INO80: variants seen among roughly 807,000 people sequenced by gnomAD.
The protein encoded by INO80 is INO80 complex ATPase subunit.
A neutral mutation model predicts 203.4 loss-of-function variants in INO80; 20 were observed. That is an observed-to-expected ratio of 0.10 (90% CI 0.07 to 0.14). The LOEUF (loss-of-function observed/expected upper bound fraction) is 0.14, where lower values mean the gene tolerates loss of function less well. Ranked by LOEUF, INO80 falls within the 10% of genes least tolerant of loss-of-function variation. The pLI is 1.00. For missense variants in INO80, 1,419 were observed against 1,914.4 expected, an observed-to-expected ratio of 0.74 and a Z score of 4.83; for synonymous variants, 726 against 685.2, an observed-to-expected ratio of 1.06 and a Z score of -0.93.
At chr15:41,114,986 A>G (rs1472552172) in intron 1 of INO80, among the ~76,000 whole-genome samples, 2 of 152,144 alleles carry the variant, frequency 1.3e-5, no homozygotes, top group African/African-American at 4.8e-5. Context: ...TCAGAAAATT[A>G]CTTAATTATA....
chr15:41,074,711 T>C (rs2045377142), intron 9 of INO80, 146 bp from the exon 10 acceptor site: 1 of 607,986 alleles, frequency 1.6e-6, no homozygotes, highest in South Asian at 2.3e-5. Flanking sequence ...ACAATTTTAA[T>C]TTAGCCAAGT....
intron 8 of INO80, among the ~76,000 whole-genome samples, chr15:41,080,767 G>A (rs754341905): frequency 1.3e-5 from 2 of 152,204 alleles, no homozygotes; most frequent in African/African-American, 2.4e-5. Context: ...TGGGAGAATC[G>A]CTTGAACCTG....
chr15:41,104,040 G>A (rs2045845284), intron 1 of INO80, among the ~76,000 whole-genome samples: 1 of 151,586 alleles, frequency 6.6e-6, no homozygotes, highest in Non-Finnish European at 1.5e-5. Context: ...CCAACATGGA[G>A]AAACCTCGTC....
At chr15:41,030,652 A>G (rs531622389) in intron 24 of INO80, among the ~76,000 whole-genome samples, 1 of 147,286 alleles carries the variant, frequency 6.8e-6, no homozygotes, top group African/African-American at 2.5e-5. Context: ...ATGAGCCACC[A>G]CACCTGGCCA....
chr15:41,076,709 T>G (rs2045408365), intron 9 of INO80, among the ~76,000 whole-genome samples: 1 of 152,116 alleles, frequency 6.6e-6, no homozygotes, highest in Non-Finnish European at 1.5e-5. Flanking sequence ...GCCACTGCAC[T>G]CCAGCCTGGG....
At position 41,096,271 on chromosome 15, in the gene INO80, T is replaced by C. The variant is rs1314510425; in HGVS notation, c.40A>G (p.Thr14Ala). Residue 14 changes from threonine to alanine, a missense_variant, in exon 2 of 36, where the codon ACT becomes GCT. By Grantham distance (58) the Thr-to-Ala change is moderately conservative. Coordinates refer to ENST00000648947, the MANE Select transcript of INO80 (RefSeq NM_017553.3). ...AGATAGAGGGGCTTTGCCAGCTCAGTGCAGCCTCCATCATCCCTGGCACCC... is the reference window on the plus strand; with the variant it reads ...AGATAGAGGGGCTTTGCCAGCTCAGCGCAGCCTCCATCATCCCTGGCACCC... The part of the protein sequence containing the change: ...ELGARDDGGC[T>A]ELAKPLYLQY... 7 of 1,608,700 alleles carry C rather than the reference T, an allele frequency of 4.4e-6. No individual in the cohort carries two copies. Among genetic ancestry groups the C allele is most frequent in the Non-Finnish European group, 5.9e-6 (7 of 1,178,678 alleles).
intron 24 of INO80, among the ~76,000 whole-genome samples, chr15:41,033,525 C>T (rs750006558): frequency 2.6e-5 from 4 of 151,996 alleles, no homozygotes; most frequent in Admixed American, 6.6e-5. Flanking sequence ...ACTCTTTATC[C>T]ACTGCAAAAC....
intron 9 of INO80, among the ~76,000 whole-genome samples, chr15:41,077,488 AAGAG>A (rs1566940194): frequency 6.6e-6 from 1 of 152,190 alleles, no homozygotes; most frequent in African/African-American, 2.4e-5. Flanking sequence ...AAACTTGAGA[AAGAG>A]AGTGAGAGAA....
chr15:40,983,285 T>C (rs1893906168), intron 34 of INO80: 6 of 559,720 alleles, frequency 1.1e-5, no homozygotes, highest in Non-Finnish European at 1.9e-5. Flanking sequence ...ACATCCTAAC[T>C]CCTCAAGCTG....
intron 8 of INO80, among the ~76,000 whole-genome samples, chr15:41,080,385 C>A (rs1022448361): frequency 9.2e-5 from 14 of 152,108 alleles, no homozygotes; most frequent in African/African-American, 3.1e-4. Flanking sequence ...CTGATCCTCA[C>A]AATTCTTAAA....
intron 29 of INO80, among the ~76,000 whole-genome samples, chr15:40,990,942 C>A (rs1396003854): frequency 2.0e-5 from 3 of 152,022 alleles, no homozygotes; most frequent in East Asian, 1.9e-4. Flanking sequence ...TGATGTCACA[C>A]CCAAAAGACA....
chr15:41,095,737 G>A, intron 3 of INO80, 22 bp downstream of exon 3: 3 of 1,613,240 alleles, frequency 1.9e-6, no homozygotes, highest in South Asian at 2.2e-5. Flanking sequence ...TAGTCCAAAG[G>A]GGGATGTCAC....
At chr15:41,054,060 C>T (rs1221662831) in intron 18 of INO80, 46 bp from the exon 19 acceptor site, 2 of 1,460,456 alleles carry the variant, frequency 1.4e-6, no homozygotes, top group Non-Finnish European at 9.5e-7. Flanking sequence ...AGTGATTTCA[C>T]AAAAACAACA....
In INO80 at chr15:41,107,138, C is replaced by G. The variant is rs559826763; in HGVS notation, c.-44+8835G>C. Among the ~76,000 whole-genome samples the G allele has an allele frequency of 2.3e-4, 35 of 152,344 alleles. 1 individual carries two copies. The highest frequency in any genetic ancestry group is 7.9e-4 in the African/African-American group (33 of 41,590). The stretch of plus-strand genomic sequence containing the variant: ...TTGTGATACAGTTAGTTTCTCCTGT[C>G]AAGATTTGCATGCCTGAAAGGCCTT... On this transcript the variant is annotated intron_variant, in intron 1 of 35. Transcript: ENST00000648947.
At chr15:41,086,650 CAA>C (rs758638165) in intron 6 of INO80, among the ~76,000 whole-genome samples, 29 of 101,750 alleles carry the variant, frequency 2.9e-4, no homozygotes, top group Admixed American at 3.4e-4. Flanking sequence ...GACTCCATCT[CAA>C]AAAAAAAAAA....
At chr15:41,085,017 G>A (rs2045539118) in intron 7 of INO80, among the ~76,000 whole-genome samples, 1 of 152,246 alleles carries the variant, frequency 6.6e-6, no homozygotes, top group Non-Finnish European at 1.5e-5. Context: ...GATTACAGGT[G>A]TGACCTGCCA....
chr15:41,045,833 G>A (rs756571820), intron 23 of INO80, among the ~76,000 whole-genome samples: 15 of 151,952 alleles, frequency 9.9e-5, no homozygotes, highest in East Asian at 3.9e-4. Context: ...CCCAGGAAGC[G>A]GAGGTTGCAG....
chr15:41,091,530 A>G (rs948125442), intron 5 of INO80, among the ~76,000 whole-genome samples: 7 of 150,818 alleles, frequency 4.6e-5, no homozygotes, highest in African/African-American at 1.7e-4. Flanking sequence ...TCCTGCACCC[A>G]CCTGCCCAGG....
At chr15:41,069,434 T>G in intron 14 of INO80, 136 bp downstream of exon 14, 1 of 529,676 alleles carries the variant, frequency 1.9e-6, no homozygotes, top group Non-Finnish European at 3.3e-6. Context: ...CCTCCCAAAG[T>G]GCTGAGATTA....
Sources: allele counts gnomAD v4.1 joint callset (sites outside exome capture counted in the v4.1 genomes callset), GRCh38; gene constraint gnomAD v4.1.1; transcripts MANE v1.5; gene names NCBI Gene and HGNC (gene_info 2026-07-23, HGNC 2026-07-21).